ZWILCH: variants seen among roughly 807,000 people sequenced by gnomAD.
The protein encoded by ZWILCH is zwilch kinetochore protein, also known as protein zwilch homolog.
Under a neutral mutation model 79.9 loss-of-function variants are expected in ZWILCH, and 74 were observed. The ratio of observed to expected loss-of-function variants is 0.93; its 90% CI spans 0.77 to 1.12. The LOEUF is 1.12. ZWILCH is among the 50% of genes most tolerant of loss of function. The pLI is 0.00. For synonymous variants in ZWILCH, 241 were observed against 228.2 expected (o/e 1.06, Z -0.51); for missense variants, 694 against 687.5 (o/e 1.01, Z -0.11).
intron 4 of ZWILCH, among the ~76,000 whole-genome samples, chr15:66,516,203 C>T (rs1052627507): frequency 6.6e-6 from 1 of 152,184 alleles, no homozygotes; most frequent in Non-Finnish European, 1.5e-5. Flanking sequence ...ATGCATGGGA[C>T]TCTCCTGCAC....
intron 14 of ZWILCH, 78 bp downstream of exon 14, chr15:66,533,091 T>C: frequency 1.0e-6 from 1 of 963,274 alleles, no homozygotes; most frequent in Non-Finnish European, 1.6e-6. Context: ...CTGCCAATAA[T>C]ATGCTAGCCA....
chr15:66,523,645 T>G (rs1053754014), intron 7 of ZWILCH, 32 bp from the exon 8 acceptor site: 4 of 1,505,272 alleles, frequency 2.7e-6, no homozygotes, highest in Non-Finnish European at 2.8e-6. Flanking sequence ...GGATTAGCAC[T>G]AGAAAACTGA....
chr15:66,532,498 G>A (rs191475636), intron 13 of ZWILCH, 95 bp downstream of exon 13: 62 of 1,132,192 alleles, frequency 5.5e-5, no homozygotes, highest in Non-Finnish European at 6.1e-5. Flanking sequence ...GTCCCTCATC[G>A]TCTGTAGTCC....
intron 16 of ZWILCH, among the ~76,000 whole-genome samples, chr15:66,539,487 A>T (rs1366512412): frequency 6.6e-6 from 1 of 151,490 alleles, no homozygotes; most frequent in African/African-American, 2.4e-5. Context: ...ACATCTTCAC[A>T]TCATCATTAC....
At chr15:66,516,292 C>T (rs1313873005) in intron 4 of ZWILCH, among the ~76,000 whole-genome samples, 1 of 152,184 alleles carries the variant, frequency 6.6e-6, no homozygotes, top group Non-Finnish European at 1.5e-5. Flanking sequence ...TCTCCAGCTT[C>T]ACTTCCTGCC....
chr15:66,512,086 T>G (rs1291022147), intron 2 of ZWILCH, among the ~76,000 whole-genome samples: 2 of 152,138 alleles, frequency 1.3e-5, no homozygotes, highest in Non-Finnish European at 2.9e-5. Flanking sequence ...AGCAAAAAAC[T>G]GGAAACTACT....
chr15:66,510,972 C>G (rs1894038134), intron 2 of ZWILCH, among the ~76,000 whole-genome samples: 1 of 152,140 alleles, frequency 6.6e-6, no homozygotes, highest in African/African-American at 2.4e-5. Flanking sequence ...AGTAAAGTCA[C>G]ATTTATAGGA....
rs548477812 is a variant in ZWILCH at position 66,548,491 on chromosome 15, C to G, written c.*167C>G. ...AGCTCCAAAATTGATAATCCTGTCT[C>G]AGCTCTGCCTCCTCAGGAGGAGCAT... is the stretch of plus-strand genomic sequence containing the variant. On this transcript the variant is annotated 3_prime_UTR_variant, in exon 19 of 19. Coordinates refer to ENST00000307897, the MANE Select transcript of ZWILCH (RefSeq NM_017975.5). The G allele has an allele frequency of 3.1e-5, 48 of 1,565,298 alleles. 1 individual carries two copies. In the South Asian group the frequency reaches 5.1e-4, roughly 16 times the overall value.
At position 66,527,359 on chromosome 15, in the gene ZWILCH, G is replaced by C; in HGVS notation, c.889G>C (p.Glu297Gln). The C allele has an allele frequency of 6.2e-7, 1 of 1,613,932 alleles. No individual in the cohort carries two copies. Among genetic ancestry groups the C allele is most frequent in the Non-Finnish European group, 8.5e-7 (1 of 1,179,898 alleles). Residue 297 changes from glutamate (E) to glutamine (Q), a missense_variant, in exon 9 of 19, where the codon GAA (glutamate) becomes CAA (glutamine). Physicochemically the swap from Glu to Gln is conservative, Grantham distance 29 (BLOSUM62 2). Transcript: ENST00000307897. Reference protein sequence around the residue: ...LEPLEAKSAVELVQEFLNDLN... With the variant: ...LEPLEAKSAVQLVQEFLNDLN... Reference sequence around the variant, plus strand: ...GCCCCTGGAAGCAAAATCTGCTGTTGAACTTGTTCAGGAATTTCTGAATGG... The same window carrying C: ...GCCCCTGGAAGCAAAATCTGCTGTTCAACTTGTTCAGGAATTTCTGAATGG...
intron 17 of ZWILCH, among the ~76,000 whole-genome samples, chr15:66,541,828 G>T (rs770375011): frequency 8.5e-5 from 13 of 152,128 alleles, no homozygotes; most frequent in Non-Finnish European, 1.2e-4. Context: ...GATTTCAAAG[G>T]CCTATACTGC....
At chr15:66,532,507 C>G in intron 13 of ZWILCH, 104 bp downstream of exon 13, 2 of 1,024,270 alleles carry the variant, frequency 2.0e-6, no homozygotes, top group Non-Finnish European at 2.8e-6. Context: ...CGTCTGTAGT[C>G]CTTCCTGGCT....
At chr15:66,529,649 C>A in intron 12 of ZWILCH, 76 bp downstream of exon 12, 1 of 1,107,984 alleles carries the variant, frequency 9.0e-7, no homozygotes, top group Non-Finnish European at 1.3e-6. Context: ...CTGAAGCCAA[C>A]TGCCTGAGTC....
chr15:66,521,749 C>A (rs1894500801), intron 7 of ZWILCH, among the ~76,000 whole-genome samples: 1 of 152,134 alleles, frequency 6.6e-6, no homozygotes, highest in Admixed American at 6.5e-5. Context: ...CCACCTCCAC[C>A]TCCCAAAGTG....
intron 2 of ZWILCH, among the ~76,000 whole-genome samples, chr15:66,511,351 G>A (rs530327055): frequency 1.1e-4 from 16 of 152,002 alleles, no homozygotes; most frequent in African/African-American, 3.1e-4. Flanking sequence ...AGCTGGGTGT[G>A]GTGTCACGCA....
intron 1 of ZWILCH, among the ~76,000 whole-genome samples, chr15:66,508,360 A>G (rs139012592): frequency 4.6e-5 from 7 of 152,372 alleles, no homozygotes; most frequent in African/African-American, 1.2e-4. Flanking sequence ...AACAAGTTAT[A>G]AAAATGGAGG....
At chr15:66,523,922 AAT>A (rs1163750420) in intron 8 of ZWILCH, among the ~76,000 whole-genome samples, 174 bp downstream of exon 8, 1 of 152,216 alleles carries the variant, frequency 6.6e-6, no homozygotes, top group Non-Finnish European at 1.5e-5. Flanking sequence ...TTGTCCTTAC[AAT>A]TAACGGGAGC....
intron 3 of ZWILCH, chr15:66,514,297 A>G (rs572918413): frequency 1.3e-3 from 382 of 289,992 alleles, no homozygotes; most frequent in Non-Finnish European, 2.1e-3. Flanking sequence ...TAATCGATAA[A>G]ATTCACTTAT....
chr15:66,543,294 A>G (rs553132468), intron 17 of ZWILCH, among the ~76,000 whole-genome samples: 1 of 152,232 alleles, frequency 6.6e-6, no homozygotes, highest in Non-Finnish European at 1.5e-5. Context: ...GAACAAGACT[A>G]TTAGTTGTGG....
chr15:66,547,765 G>A (rs1380288802), intron 18 of ZWILCH: 4 of 152,054 alleles, frequency 2.6e-5, no homozygotes, highest in African/African-American at 9.7e-5. Context: ...TTACAACCTG[G>A]AAGGATTGTT....
Sources: allele counts gnomAD v4.1 joint callset (sites outside exome capture counted in the v4.1 genomes callset), GRCh38; gene constraint gnomAD v4.1.1; transcripts MANE v1.5; gene names NCBI Gene and HGNC (gene_info 2026-07-23, HGNC 2026-07-21).